The following TINAG variants were observed in gnomAD, a reference collection of about 807,000 sequenced individuals.
The protein encoded by TINAG is tubulointerstitial nephritis antigen.
A neutral mutation model predicts 72.7 loss-of-function variants in TINAG; 83 were observed. The observed-to-expected ratio is 1.14, with a 90% CI of 0.96 to 1.37. The LOEUF (loss-of-function observed/expected upper bound fraction) is 1.37, where lower values mean the gene tolerates loss of function less well. TINAG is among the 40% of genes most tolerant of loss of function. The pLI is 0.00. For missense variants in TINAG, 685 were observed against 576.6 expected (o/e 1.19, Z -1.93); for synonymous variants, 234 against 189.9 (o/e 1.23, Z -1.91).
chr6:54,381,822 G>GA (rs1219574612), intron 10 of TINAG, among the ~76,000 whole-genome samples: 10 of 152,116 alleles, frequency 6.6e-5, no homozygotes, highest in African/African-American at 2.4e-4. Context: ...AATATTTAGA[G>GA]AAAAAATCAA....
chr6:54,321,209 T>C, intron 2 of TINAG, 88 bp from the exon 3 acceptor site: 1 of 970,014 alleles, frequency 1.0e-6, no homozygotes, highest in Non-Finnish European at 1.6e-6. Context: ...AATTATGTTT[T>C]ATGCCTTAAC....
chr6:54,340,181 C>T (rs1784963393), intron 4 of TINAG, among the ~76,000 whole-genome samples: 1 of 151,990 alleles, frequency 6.6e-6, no homozygotes, highest in Admixed American at 6.6e-5. Flanking sequence ...GGAGACTGTT[C>T]ACATTGAACA....
rs1196191957 is a variant in TINAG at position 54,308,559 on chromosome 6, C to T, written c.9C>T (p.Thr3=). The T allele has an allele frequency of 1.9e-6, 3 of 1,608,778 alleles. No individual in the cohort carries two copies. The highest frequency in any genetic ancestry group is 1.3e-5 in the African/African-American group (1 of 74,506). MW[T]GYKILIFSYL... Reference sequence around the variant, plus strand: ...TACCTGACTTCCAGAGAATGTGGACCGGATATAAGATCTTAATCTTCTCTT... The same window carrying T: ...TACCTGACTTCCAGAGAATGTGGACTGGATATAAGATCTTAATCTTCTCTT... The change falls in exon 1 of 11, where the codon ACC becomes ACT. Residue 3 remains threonine, a synonymous_variant. Coordinates refer to ENST00000259782, the MANE Select transcript of TINAG (RefSeq NM_014464.4).
At chr6:54,329,206 G>A (rs1329595051) in intron 4 of TINAG, among the ~76,000 whole-genome samples, 1 of 152,072 alleles carries the variant, frequency 6.6e-6, no homozygotes, top group African/African-American at 2.4e-5. Context: ...AGGAAAAAAT[G>A]TTAAGAAGAG....
intron 9 of TINAG, among the ~76,000 whole-genome samples, chr6:54,363,161 TTGCTGAATCACAAA>T (rs1172489925): frequency 6.6e-6 from 1 of 151,590 alleles, no homozygotes; most frequent in Non-Finnish European, 1.5e-5. Flanking sequence ...AAGATTGTAT[TTGCTGAATCACAAA>T]TGGCAGGACT....
intron 4 of TINAG, among the ~76,000 whole-genome samples, chr6:54,340,050 G>T (rs1044277463): frequency 6.6e-5 from 10 of 152,214 alleles, no homozygotes; most frequent in Admixed American, 3.9e-4. Context: ...CTCTTTTAGA[G>T]ATTTTAATTT....
Position 54,379,245 on chromosome 6 carries a change from G to T in TINAG, c.1251-1281G>T, listed in dbSNP as rs1763873033. 2.6e-5 allele frequency among the ~76,000 whole-genome samples: 4 copies of T among 152,124 alleles called. No homozygotes were observed. In the South Asian group the frequency reaches 8.3e-4, roughly 31 times the overall value. ...CACTACAAGTGGGGCCTATATGTCT[G>T]TAAAAGAAAAGCAATATAATGTATT... On this transcript the variant is annotated intron_variant, in intron 9 of 10. Transcript: ENST00000259782.
intron 9 of TINAG, among the ~76,000 whole-genome samples, chr6:54,379,256 G>A (rs576782216): frequency 1.8e-3 from 272 of 152,252 alleles, no homozygotes; most frequent in African/African-American, 6.3e-3. Flanking sequence ...TAAAAGAAAA[G>A]CAATATAATG....
chr6:54,344,037 G>A (rs981611658), intron 5 of TINAG, among the ~76,000 whole-genome samples: 4 of 152,178 alleles, frequency 2.6e-5, no homozygotes, highest in African/African-American at 9.7e-5. Flanking sequence ...CCTCAAAGGA[G>A]TGTTGAATAT....
intron 9 of TINAG, among the ~76,000 whole-genome samples, chr6:54,364,706 T>C (rs1238342327): frequency 6.6e-6 from 1 of 151,408 alleles, no homozygotes; most frequent in Admixed American, 6.6e-5. Context: ...AAGCCATAGT[T>C]TTCTATTTTA....
Position 54,390,056 on chromosome 6 carries a change from AT to A in TINAG, c.*135del. The A allele has an allele frequency of 7.8e-7, 1 of 1,287,710 alleles. No homozygotes were observed. Among genetic ancestry groups the A allele is most frequent in the Non-Finnish European group, 1.1e-6 (1 of 940,894 alleles). The allele number at this position is 1,287,710 out of a possible 1,614,324, so 79.8% of individuals were successfully genotyped here. A position where few individuals can be genotyped will look rare whatever the true frequency, so the allele number is the denominator to read the frequency against. On this transcript the variant is annotated 3_prime_UTR_variant, in exon 11 of 11. Transcript: ENST00000259782. ...GTTAACATAATCTATCTATTTTCTT[AT>A]TTTCCCCTCTGGTCTATGCTTCTGC...
intron 8 of TINAG, among the ~76,000 whole-genome samples, chr6:54,353,436 T>C (rs937706471): frequency 6.6e-6 from 1 of 151,866 alleles, no homozygotes; most frequent in African/African-American, 2.4e-5. Flanking sequence ...GAACCCTGAA[T>C]GAATAACTTT....
At chr6:54,320,100 A>G (rs1010303065) in intron 1 of TINAG, among the ~76,000 whole-genome samples, 8 of 152,120 alleles carry the variant, frequency 5.3e-5, no homozygotes, top group African/African-American at 1.9e-4. Flanking sequence ...CTAAAGAAAA[A>G]AATAGAATTT....
intron 4 of TINAG, among the ~76,000 whole-genome samples, chr6:54,340,725 T>TGGTAAATA (rs1784976858): frequency 2.0e-5 from 3 of 152,242 alleles, no homozygotes; most frequent in African/African-American, 7.2e-5. Flanking sequence ...TGATCTGGCT[T>TGGTAAATA]AGTGGATTGG....
chr6:54,358,224 A>G (rs1286955346), intron 9 of TINAG, among the ~76,000 whole-genome samples: 1 of 151,796 alleles, frequency 6.6e-6, no homozygotes, highest in Admixed American at 6.6e-5. Context: ...TGCTCCAGCA[A>G]TCCTGATCCC....
At chr6:54,354,667 C>A (rs1193995991) in intron 9 of TINAG, 31 bp downstream of exon 9, 4 of 1,595,504 alleles carry the variant, frequency 2.5e-6, no homozygotes, top group Non-Finnish European at 2.6e-6. Context: ...TCATTTAATT[C>A]TTTTGGAAAA....
At chr6:54,333,070 A>G (rs1167371169) in intron 4 of TINAG, among the ~76,000 whole-genome samples, 1 of 152,168 alleles carries the variant, frequency 6.6e-6, no homozygotes, top group Non-Finnish European at 1.5e-5. Context: ...CAGTTCCTCA[A>G]AGATCTAGAA....
intron 9 of TINAG, among the ~76,000 whole-genome samples, chr6:54,356,751 T>C (rs899245957): frequency 6.6e-6 from 1 of 151,946 alleles, no homozygotes; most frequent in Admixed American, 6.6e-5. Context: ...AGAGACATTT[T>C]TGATTCTTCA....
chr6:54,349,942 G>A (rs774595258), intron 7 of TINAG, 46 bp downstream of exon 7: 2 of 1,361,634 alleles, frequency 1.5e-6, no homozygotes. Context: ...TTTCTCAAAT[G>A]TATATAGCTC....
Sources: gnomAD v4.1 joint callset for allele counts (sites outside exome capture counted in the v4.1 genomes callset) on GRCh38, gnomAD v4.1.1 for gene constraint, MANE v1.5 for transcripts, NCBI Gene and HGNC (gene_info 2026-07-23, HGNC 2026-07-21) for gene names.